The following FBXW5 variants were observed in gnomAD, a reference collection of about 807,000 sequenced individuals.
The protein encoded by FBXW5 is F-box and WD repeat domain containing 5, also known as F-box/WD repeat-containing protein 5.
Under a neutral mutation model 50.9 loss-of-function variants are expected in FBXW5, and 74 were observed. The observed-to-expected ratio is 1.45, with a 90% CI of 1.20 to 1.76. The LOEUF is 1.76. Among genes scored for constraint, FBXW5 ranks in the 40% most tolerant of loss-of-function variants. FBXW5 has a pLI of 0.00. For missense variants in FBXW5, 1,073 were observed against 818.8 expected, an observed-to-expected ratio of 1.31 and a Z score of -3.79; for synonymous variants, 523 against 362.2, an observed-to-expected ratio of 1.44 and a Z score of -5.04.
chr9:136,943,095 G>A, intron 3 of FBXW5, 152 bp from the exon 4 acceptor site: 3 of 1,285,670 alleles, frequency 2.3e-6, no homozygotes, highest in South Asian at 1.2e-5. Flanking sequence ...CCACTCGGGG[G>A]GCATTGGTAT....
At position 136,941,643 on chromosome 9, in the gene FBXW5, G is replaced by A. The variant is rs1014034660; in HGVS notation, c.1138C>T (p.Pro380Ser). 1.3e-6 allele frequency: 2 copies of A among 1,570,884 alleles called. No individual in the cohort carries two copies. The highest frequency in any genetic ancestry group is 1.4e-5 in the African/African-American group (1 of 73,846). ...ILPHQMTTAGPVLGEGRGSDA... is the reference protein window; with the variant it reads ...ILPHQMTTAGSVLGEGRGSDA... ...GAGCCCCGGCCCTCACCCAGCACGG[G>A]CCCTGCCGTGGTCATCTGGTGTGGC... The change falls in exon 7 of 9, where the codon CCC (proline) becomes TCC (serine). Residue 380 changes from proline to serine, a missense_variant. Coordinates refer to ENST00000325285, the MANE Select transcript of FBXW5 (RefSeq NM_018998.4).
chr9:136,943,602 G>A, intron 2 of FBXW5, 96 bp from the exon 3 acceptor site: 3 of 1,472,216 alleles, frequency 2.0e-6, no homozygotes, highest in Non-Finnish European at 2.7e-6. Context: ...AGGCCCCGTG[G>A]TGCCCCTGGA....
At chr9:136,943,231 C>T in intron 3 of FBXW5, 118 bp downstream of exon 3, 1 of 1,323,004 alleles carries the variant, frequency 7.6e-7, no homozygotes, top group Non-Finnish European at 1.0e-6. Flanking sequence ...AGGCTGCTGT[C>T]ACCTCTGGCC....
intron 6 of FBXW5, 116 bp from the exon 7 acceptor site, chr9:136,941,800 C>T: frequency 6.9e-7 from 1 of 1,450,950 alleles, no homozygotes; most frequent in Non-Finnish European, 9.1e-7. Context: ...GGTCCGTGGG[C>T]ACTGCCTGCT....
At chr9:136,941,843 GTTGC>G (rs965898423) in intron 6 of FBXW5, 159 bp from the exon 7 acceptor site, 2 of 1,436,636 alleles carry the variant, frequency 1.4e-6, no homozygotes, top group East Asian at 2.5e-5. Context: ...AGGCCCGTCG[GTTGC>G]TTGCTGGCCA....
rs778372092 is a variant in FBXW5, at chr9:136,940,950, CAGG to C, written c.1676_1678del (p.Ser559del). On this transcript the variant is annotated inframe_deletion, in exon 9 of 9. Coordinates refer to ENST00000325285, the MANE Select transcript of FBXW5 (RefSeq NM_018998.4). ...ACCTCAGCGCCTCTGGCTGGCAAGC[CAGG>C]AGAAGAAGGTGCGAGGCCGTGGGCG... 14 of 1,573,608 alleles carry C rather than the reference CAGG, an allele frequency of 8.9e-6. No individual in the cohort carries two copies. The highest frequency in any genetic ancestry group is 1.4e-5 in the African/African-American group (1 of 74,072).
rs373520014 is a variant in FBXW5 at position 136,941,171 on chromosome 9, G to A, written c.1458C>T (p.Ser486=). ...TGTAGCCGTGCCGGTCCTCCGCCCC[G>A]CTGCAGAACAGCGCCTGGGTGAGCC... ...FLDVSRDFVA[S]GAEDRHGYIW... Residue 486 remains serine, a splice_region_variant and synonymous_variant, in exon 9 of 9, where the codon AGC becomes AGT. Transcript: ENST00000325285. 41 of 1,601,516 alleles carry A rather than the reference G, an allele frequency of 2.6e-5. No homozygotes were observed. Among genetic ancestry groups the A allele is most frequent in the African/African-American group, 1.3e-4 (10 of 74,966 alleles).
intron 3 of FBXW5, 21 bp from the exon 4 acceptor site, chr9:136,942,964 T>C (rs552411617): frequency 2.5e-6 from 4 of 1,611,414 alleles, no homozygotes; most frequent in African/African-American, 2.7e-5. Flanking sequence ...GGGGCGGCTG[T>C]AGTGATCGCC....
rs1358290323 is a variant in FBXW5, at chr9:136,941,645, C to G, written c.1136G>C (p.Gly379Ala). ...QILPHQMTTAGPVLGEGRGSD... is the reference protein window; with the variant it reads ...QILPHQMTTAAPVLGEGRGSD... ...GCCCCGGCCCTCACCCAGCACGGGC[C>G]CTGCCGTGGTCATCTGGTGTGGCAG... The change falls in exon 7 of 9, where the codon GGG (glycine) becomes GCG (alanine). Residue 379 changes from glycine (G) to alanine (A), a missense_variant. By Grantham distance (60) the Gly-to-Ala change is moderately conservative (BLOSUM62 0). Coordinates refer to ENST00000325285, the MANE Select transcript of FBXW5 (RefSeq NM_018998.4). 2 of 1,570,892 alleles carry G rather than the reference C, an allele frequency of 1.3e-6. No individual in the cohort carries two copies. Among genetic ancestry groups the G allele is most frequent in the Non-Finnish European group, 1.7e-6 (2 of 1,158,558 alleles).
intron 1 of FBXW5, 158 bp downstream of exon 1, chr9:136,944,436 G>A: frequency 5.5e-6 from 5 of 907,036 alleles, no homozygotes; most frequent in Non-Finnish European, 5.3e-6. Flanking sequence ...GGGGCGGCCA[G>A]GCAGTGGCCT....
chr9:136,944,691 G>C lies in FBXW5; in HGVS notation c.-121C>G, dbSNP rs1273475238. ...CGGACCGCCGCCCCCGCCCAACGGG[G>C]AGCCCGCCAGGCCCGACGCCACGAG... On this transcript the variant is annotated 5_prime_UTR_variant, in exon 1 of 9. Coordinates refer to ENST00000325285, the MANE Select transcript of FBXW5 (RefSeq NM_018998.4). The C allele has an allele frequency of 3.0e-6, 3 of 985,662 alleles. No homozygotes were observed. Among genetic ancestry groups the C allele is most frequent in the African/African-American group, 3.5e-5 (2 of 57,198 alleles). The allele number at this position is 985,662 out of a possible 1,614,324, so 61.1% of individuals were successfully genotyped here. A position where few individuals can be genotyped will look rare whatever the true frequency, so the allele number is the denominator to read the frequency against.
intron 6 of FBXW5, 111 bp from the exon 7 acceptor site, chr9:136,941,795 G>A (rs559700758): frequency 1.9e-5 from 28 of 1,455,184 alleles, no homozygotes; most frequent in Middle Eastern, 4.0e-4. Context: ...ACAGAGGTCC[G>A]TGGGCACTGC....
Position 136,942,238 on chromosome 9 carries a change from A to G in FBXW5, c.904T>C (p.Leu302=). ...AGCACGCGGTCCAGAAAGTGCCGCAAGCCCTCCTTGGCGTGGGCGGGGGCC... is the reference window on the plus strand; with the variant it reads ...AGCACGCGGTCCAGAAAGTGCCGCAGGCCCTCCTTGGCGTGGGCGGGGGCC... ...GPAPAHAKEG[L]RHFLDRVLEG... Residue 302 remains leucine (L), a synonymous_variant, in exon 6 of 9, where the codon TTG becomes CTG. Transcript: ENST00000325285. 6.3e-7 allele frequency: 1 copy of G among 1,588,148 alleles called. No individual in the cohort carries two copies. Among genetic ancestry groups the G allele is most frequent in the African/African-American group, 1.3e-5 (1 of 74,598 alleles).
Position 136,941,128 on chromosome 9 carries a change from T to A in FBXW5, c.1501A>T (p.Asn501Tyr). 1 of 1,602,182 alleles carries A rather than the reference T, an allele frequency of 6.2e-7. No homozygotes were observed. The highest frequency in any genetic ancestry group is 8.5e-7 in the Non-Finnish European group (1 of 1,174,910). Residue 501 changes from asparagine (N) to tyrosine (Y), a missense_variant, in exon 9 of 9, where the codon AAC (asparagine) becomes TAC (tyrosine). Physicochemically the swap from Asn to Tyr is moderately radical, Grantham distance 143. Transcript: ENST00000325285. ...TGCCGCAGCCTGGCCAGACAGATGT[T>A]GTAGTGGCGGTCCCAGATGTAGCCG... The part of the protein sequence containing the change: ...RHGYIWDRHY[N>Y]ICLARLRHED...
chr9:136,943,587 C>T (rs1256477341), intron 2 of FBXW5, 81 bp from the exon 3 acceptor site: 1 of 1,510,450 alleles, frequency 6.6e-7, no homozygotes, highest in Non-Finnish European at 8.9e-7. Flanking sequence ...CCCAGCAGTC[C>T]TGGCAGGCCC....
At chr9:136,943,747 CCTGA>C (rs1850907304) in intron 2 of FBXW5, 140 bp downstream of exon 2, 2 of 1,075,746 alleles carry the variant, frequency 1.9e-6, no homozygotes, top group African/African-American at 3.2e-5. Context: ...TGCGCTGTGT[CCTGA>C]CAGGCCTCTA....
Position 136,941,431 on chromosome 9 carries a change from T to A in FBXW5, c.1277A>T (p.Asn426Ile). The A allele has an allele frequency of 1.2e-6, 2 of 1,609,268 alleles. No individual in the cohort carries two copies. The highest frequency in any genetic ancestry group is 1.7e-6 in the Non-Finnish European group (2 of 1,179,860). The stretch of plus-strand genomic sequence containing the variant: ...CATGGGGTCGGCCACCACCGCACCG[T>A]TGGGCCAGGCGCGGCTGTTCACGTA... ...YLYVNSRAWP[N>I]GAVVADPMQP... Residue 426 changes from asparagine (N) to isoleucine (I), a missense_variant, in exon 8 of 9, where the codon AAC becomes ATC. Physicochemically the swap from Asn to Ile is moderately radical, Grantham distance 149 (BLOSUM62 -3). Coordinates refer to ENST00000325285, the MANE Select transcript of FBXW5 (RefSeq NM_018998.4).
At chr9:136,944,139 G>T (rs1355529945) in intron 1 of FBXW5, 33 bp from the exon 2 acceptor site, 1 of 1,503,574 alleles carries the variant, frequency 6.7e-7, no homozygotes, top group Non-Finnish European at 8.9e-7. Context: ...CTCAGCCCAG[G>T]CCCGGGAAGG....
rs1010472596 is a variant in FBXW5, at chr9:136,942,932, G to C, written c.363C>G (p.Asn121Lys). The change falls in exon 4 of 9, where the codon AAC becomes AAG. Residue 121 changes from asparagine (N) to lysine (K), a missense_variant. Asn to Lys is a moderately conservative substitution (Grantham distance 94). Transcript: ENST00000325285. ...SKDCTVKIWS[N>K]DLTISLLHSA... ...TGTGCAGCAGCGAGATGGTCAGGTC[G>C]TTGCTCCAGATCTGTTCGGCAGGGG... 5 of 1,613,254 alleles carry C rather than the reference G, an allele frequency of 3.1e-6. No homozygotes were observed. Among genetic ancestry groups the C allele is most frequent in the Non-Finnish European group, 4.2e-6 (5 of 1,179,928 alleles).
Sources: gnomAD v4.1 joint callset for allele counts on GRCh38, gnomAD v4.1.1 for gene constraint, MANE v1.5 for transcripts, NCBI Gene and HGNC (gene_info 2026-07-23, HGNC 2026-07-21) for gene names.